Variants in NRXN3 observed in about 807,000 individuals in gnomAD.
NRXN3 encodes the protein neurexin III.
In NRXN3, 32 loss-of-function variants were observed where a neutral mutation model predicts 137.6. That is an observed-to-expected ratio of 0.23 (90% CI 0.18 to 0.31). NRXN3 has a LOEUF of 0.31. NRXN3 is among the 10% of genes least tolerant of loss of function. The probability of loss-of-function intolerance (pLI) is 1.00; values close to 1 mark genes in which losing one functional copy is unlikely to be tolerated. For synonymous variants in NRXN3, 798 were observed against 784.5 expected, an observed-to-expected ratio of 1.02 and a Z score of -0.29; for missense variants, 1,574 against 2,062.5, an observed-to-expected ratio of 0.76 and a Z score of 4.59.
chr14:78,501,223 C>T (rs561296393), intron 4 of NRXN3, among the ~76,000 whole-genome samples: 20 of 152,246 alleles, frequency 1.3e-4, no homozygotes, highest in African/African-American at 4.8e-4. Flanking sequence ...CGTCCTGTAA[C>T]TCAGAATCTC....
chr14:78,738,767 G>GT (rs1235437529), intron 8 of NRXN3, among the ~76,000 whole-genome samples: 1 of 151,838 alleles, frequency 6.6e-6, no homozygotes. Flanking sequence ...TAACACTGTG[G>GT]TGAGGGGTGG....
intron 4 of NRXN3, among the ~76,000 whole-genome samples, chr14:78,332,223 T>G (rs2080902796): frequency 6.6e-6 from 1 of 152,176 alleles, no homozygotes; most frequent in South Asian, 2.1e-4. Context: ...TAAATATCTT[T>G]TCCCTTATCT....
chr14:79,112,835 A>G (rs944007148), intron 15 of NRXN3, among the ~76,000 whole-genome samples: 1 of 152,224 alleles, frequency 6.6e-6, no homozygotes, highest in Admixed American at 6.5e-5. Context: ...TTTGATGTGA[A>G]GTGTCATAGA....
rs574672918 is a variant in NRXN3 at position 78,472,663 on chromosome 14, T to G, written c.758-172457T>G. ...AGATGAGGCTTAGATCACATGTCTA[T>G]TTCATCTCACTGTTCCTCCTTAAAA... is the stretch of plus-strand genomic sequence containing the variant. On this transcript the variant is annotated intron_variant, in intron 4 of 20. Coordinates refer to ENST00000335750, the MANE Select transcript of NRXN3 (RefSeq NM_001330195.2). Among the ~76,000 whole-genome samples the G allele has an allele frequency of 1.1e-3, 173 of 152,308 alleles. No homozygotes were observed. In the Middle Eastern group the frequency reaches 0.02, roughly 18 times the overall value.
rs370464879 is a variant in NRXN3 at position 79,549,976 on chromosome 14, TA to T, written c.3444+82575del. Among the ~76,000 whole-genome samples the T allele has an allele frequency of 3.4e-4, 27 of 80,044 alleles. 1 individual carries two copies. The South Asian group carries it at 0.011, about 33-fold the overall frequency. 52.5% of individuals were successfully genotyped at this position (80,044 alleles called of 152,430 possible). A position where few individuals can be genotyped will look rare whatever the true frequency, so the allele number is the denominator to read the frequency against. ...TATTGTTGGGTGTTTGTTTGTTTGTTAGTTTGTTTGTTTGACAGAGGTCTCA... is the reference window on the plus strand; with the variant it reads ...TATTGTTGGGTGTTTGTTTGTTTGTTGTTTGTTTGTTTGACAGAGGTCTCA... On this transcript the variant is annotated intron_variant, in intron 16 of 20. Transcript: ENST00000335750.
intron 19 of NRXN3, among the ~76,000 whole-genome samples, chr14:79,730,722 A>G (rs552666917): frequency 6.6e-6 from 1 of 152,318 alleles, no homozygotes; most frequent in Non-Finnish European, 1.5e-5. Context: ...TTATTTATAT[A>G]GTTAGAATTT....
intron 15 of NRXN3, among the ~76,000 whole-genome samples, chr14:79,237,470 G>A (rs2073586996): frequency 6.6e-6 from 1 of 151,978 alleles, no homozygotes; most frequent in Non-Finnish European, 1.5e-5. Flanking sequence ...GGGGACAGGT[G>A]GATTATCTTA....
rs909762623 is a variant in NRXN3 at position 78,242,967 on chromosome 14, C to T, written c.-127C>T. 2 of 653,846 alleles carry T rather than the reference C, an allele frequency of 3.1e-6. No individual in the cohort carries two copies. Among genetic ancestry groups the T allele is most frequent in the African/African-American group, 1.8e-5 (1 of 54,888 alleles). The allele number at this position is 653,846 out of a possible 1,614,324, so 40.5% of individuals were successfully genotyped here. ...TCAGGATCTGTGTGTGTGCTGCCTT[C>T]CTCCTGTGTGCTTTCTGTCCCCCCA... On this transcript the variant is annotated 5_prime_UTR_variant, in exon 2 of 21. Coordinates refer to ENST00000335750, the MANE Select transcript of NRXN3 (RefSeq NM_001330195.2).
intron 4 of NRXN3, among the ~76,000 whole-genome samples, chr14:78,333,350 G>T (rs927267877): frequency 1.3e-5 from 2 of 152,186 alleles, no homozygotes; most frequent in Non-Finnish European, 2.9e-5. Context: ...GATTTAGTGC[G>T]TGCCTACTGT....
intron 4 of NRXN3, among the ~76,000 whole-genome samples, chr14:78,302,389 G>C (rs755653546): frequency 6.6e-6 from 1 of 152,170 alleles, no homozygotes; most frequent in African/African-American, 2.4e-5. Flanking sequence ...TGTGAGGTAG[G>C]TGGTGGCATT....
chr14:78,880,737 C>T (rs932524432), intron 10 of NRXN3, among the ~76,000 whole-genome samples: 6 of 152,038 alleles, frequency 3.9e-5, no homozygotes, highest in African/African-American at 1.2e-4. Context: ...AAGCAGGAAG[C>T]TATTGTGTAT....
intron 10 of NRXN3, among the ~76,000 whole-genome samples, chr14:78,953,611 C>T (rs578231304): frequency 3.9e-5 from 6 of 152,316 alleles, no homozygotes; most frequent in African/African-American, 1.4e-4. Context: ...CAAAGTTCTG[C>T]ATCCCAGAAA....
chr14:78,377,968 A>AT (rs967189680), intron 4 of NRXN3, among the ~76,000 whole-genome samples: 10 of 152,198 alleles, frequency 6.6e-5, no homozygotes, highest in Non-Finnish European at 1.3e-4. Context: ...CAGAATACAT[A>AT]TTTTTTTGCA....
chr14:78,434,479 A>G (rs1158089134), intron 4 of NRXN3, among the ~76,000 whole-genome samples: 3 of 152,204 alleles, frequency 2.0e-5, no homozygotes, highest in African/African-American at 7.2e-5. Context: ...CCAAGTAAGG[A>G]CACAGCATCC....
chr14:78,598,657 A>T (rs971212214), intron 4 of NRXN3, among the ~76,000 whole-genome samples: 2 of 152,156 alleles, frequency 1.3e-5, no homozygotes, highest in Admixed American at 6.5e-5. Context: ...TCCCAAAGGG[A>T]GCTGGTTAAT....
chr14:79,311,417 C>T (rs1464075559), intron 15 of NRXN3, among the ~76,000 whole-genome samples: 1 of 20,932 alleles, frequency 4.8e-5, no homozygotes, highest in Non-Finnish European at 8.5e-5. Flanking sequence ...TGTCTCTGCC[C>T]GGCTTTGGTA....
chr14:79,129,451 G>A (rs2057092963), intron 15 of NRXN3, among the ~76,000 whole-genome samples: 1 of 150,648 alleles, frequency 6.6e-6, no homozygotes, highest in South Asian at 2.1e-4. Context: ...TAGTCATTCA[G>A]GAGCAGATTG....
intron 15 of NRXN3, among the ~76,000 whole-genome samples, chr14:79,123,784 CTGT>C (rs2055901389): frequency 1.3e-5 from 2 of 152,094 alleles, no homozygotes; most frequent in African/African-American, 4.8e-5. Flanking sequence ...AGTGGGAGTA[CTGT>C]ATACATGAAT....
At chr14:79,651,293 TAG>T (rs2098474641) in intron 16 of NRXN3, among the ~76,000 whole-genome samples, 1 of 152,108 alleles carries the variant, frequency 6.6e-6, no homozygotes, top group Non-Finnish European at 1.5e-5. Flanking sequence ...ACCTGAGAGG[TAG>T]TGGTACTCTA....
Sources: allele counts gnomAD v4.1 joint callset (sites outside exome capture counted in the v4.1 genomes callset), GRCh38; gene constraint gnomAD v4.1.1; transcripts MANE v1.5; gene names NCBI Gene and HGNC (gene_info 2026-07-23, HGNC 2026-07-21).